The following PCDHA11 variants were observed in gnomAD, a reference collection of about 807,000 sequenced individuals.
The protein encoded by PCDHA11 is protocadherin alpha-11.
In PCDHA11, 61 loss-of-function variants were observed where a neutral mutation model predicts 70.3. That is an observed-to-expected ratio of 0.87 (90% CI 0.71 to 1.07). The LOEUF (loss-of-function observed/expected upper bound fraction) is 1.07, where lower values mean the gene tolerates loss of function less well. Ranked by LOEUF, PCDHA11 falls within the 50% of genes least tolerant of loss-of-function variation. The pLI is 0.00. For synonymous variants in PCDHA11, 633 were observed against 555.1 expected (o/e 1.14, Z -1.97); for missense variants, 1,324 against 1,237.5 (o/e 1.07, Z -1.05).
chr5:140,877,334 C>A (rs375199455), intron 1 of PCDHA11: 13 of 1,614,002 alleles, frequency 8.1e-6, no homozygotes, highest in Non-Finnish European at 1.0e-5. Flanking sequence ...GCGCACATCC[C>A]GTTCCACGTG....
At chr5:140,951,589 C>A (rs2094605772) in intron 1 of PCDHA11, among the ~76,000 whole-genome samples, 1 of 152,088 alleles carries the variant, frequency 6.6e-6, no homozygotes, top group Admixed American at 6.5e-5. Flanking sequence ...TTCACGAGAT[C>A]TCTCTCACTG....
At chr5:140,981,939 A>G (rs765176340) in intron 2 of PCDHA11, among the ~76,000 whole-genome samples, 1 of 152,180 alleles carries the variant, frequency 6.6e-6, no homozygotes, top group Non-Finnish European at 1.5e-5. Context: ...CTCAGGAAAT[A>G]TAGGGTGGGT....
Position 140,876,296 on chromosome 5 carries a change from G to C in PCDHA11, c.2391+4802G>C, listed in dbSNP as rs1337465467. On this transcript the variant is annotated intron_variant, in intron 1 of 3. Coordinates refer to ENST00000398640, the MANE Select transcript of PCDHA11 (RefSeq NM_018902.5). ...TCCGATCCAGACGAAGGACTTAATGGAGAAATTTCCTATGGGATCAAAATG... is the reference window on the plus strand; with the variant it reads ...TCCGATCCAGACGAAGGACTTAATGCAGAAATTTCCTATGGGATCAAAATG... 19 of 1,613,952 alleles carry C rather than the reference G, an allele frequency of 1.2e-5. No individual in the cohort carries two copies. Among genetic ancestry groups the C allele is most frequent in the Non-Finnish European group, 1.6e-5 (19 of 1,179,904 alleles).
chr5:140,994,637 G>A (rs1355719166), intron 3 of PCDHA11, among the ~76,000 whole-genome samples: 1 of 152,078 alleles, frequency 6.6e-6, no homozygotes, highest in Non-Finnish European at 1.5e-5. Context: ...CCTGGAAGGT[G>A]GAGGTTGCAG....
chr5:140,952,303 AC>A (rs1554220328), intron 1 of PCDHA11, among the ~76,000 whole-genome samples: 1 of 147,998 alleles, frequency 6.8e-6, no homozygotes, highest in African/African-American at 2.5e-5. Flanking sequence ...CAGCCATTTC[AC>A]TCCAGCCTGG....
chr5:141,002,135 G>A (rs1265359430), intron 3 of PCDHA11, among the ~76,000 whole-genome samples: 1 of 152,236 alleles, frequency 6.6e-6, no homozygotes, highest in African/African-American at 2.4e-5. Flanking sequence ...AGCCTTTGCC[G>A]GCTGCACTGA....
chr5:140,963,873 C>A (rs757553114), intron 1 of PCDHA11, among the ~76,000 whole-genome samples: 5 of 152,188 alleles, frequency 3.3e-5, no homozygotes, highest in Non-Finnish European at 5.9e-5. Flanking sequence ...GTTTTGCTTA[C>A]TATTGTTTTC....
At chr5:140,910,013 C>T (rs185824848) in intron 1 of PCDHA11, among the ~76,000 whole-genome samples, 4 of 152,256 alleles carry the variant, frequency 2.6e-5, no homozygotes, top group Non-Finnish European at 1.5e-5. Context: ...CAGTGTCATC[C>T]TTGTATCCCT....
At chr5:140,882,538 C>T (rs782086663) in intron 1 of PCDHA11, 2 of 1,614,170 alleles carry the variant, frequency 1.2e-6, no homozygotes, top group Non-Finnish European at 1.7e-6. Flanking sequence ...ATTCTCGGAT[C>T]GACCGCGAGG....
In PCDHA11 at chr5:141,010,994, G is replaced by A. The variant is rs1338532762; in HGVS notation, c.*1057G>A. ...TTTAAGAGAATTGCCTGAAACATCTGTATTATATCGGCCACCTGCCAATCA... is the reference window on the plus strand; with the variant it reads ...TTTAAGAGAATTGCCTGAAACATCTATATTATATCGGCCACCTGCCAATCA... On this transcript the variant is annotated 3_prime_UTR_variant, in exon 4 of 4. Transcript: ENST00000398640. The A allele has an allele frequency of 6.5e-6, 1 of 153,710 alleles. No homozygotes were observed. The highest frequency in any genetic ancestry group is 1.5e-5 in the Non-Finnish European group (1 of 68,046). The allele number at this position is 153,710 out of a possible 1,614,324, so 9.5% of individuals were successfully genotyped here.
At chr5:140,955,692 T>A (rs1021752704) in intron 1 of PCDHA11, among the ~76,000 whole-genome samples, 1 of 152,196 alleles carries the variant, frequency 6.6e-6, no homozygotes, top group African/African-American at 2.4e-5. Context: ...CTGTGATGAA[T>A]GTCAATGGAA....
intron 1 of PCDHA11, among the ~76,000 whole-genome samples, chr5:140,978,185 G>C (rs1177844558): frequency 1.3e-5 from 2 of 152,168 alleles, no homozygotes; most frequent in East Asian, 3.8e-4. Context: ...GAGGGCAACA[G>C]ATCTTTTCAA....
rs148144382 is a variant in PCDHA11 at position 140,914,978 on chromosome 5, G to C, written c.2391+43484G>C. On this transcript the variant is annotated intron_variant, in intron 1 of 3. Coordinates refer to ENST00000398640, the MANE Select transcript of PCDHA11 (RefSeq NM_018902.5). ...TTTTTTTTTTCTGAGTCAGAGTCTT[G>C]CTCTGCTACCAGGCTGGAGTGCAGT... Among the ~76,000 whole-genome samples the C allele has an allele frequency of 8.9e-3, 1,161 of 130,768 alleles. 6 individuals are homozygous for C. Among genetic ancestry groups the C allele is most frequent in the African/African-American group, 0.022 (758 of 34,950 alleles). 85.8% of individuals were successfully genotyped at this position (130,768 alleles called of 152,430 possible).
intron 1 of PCDHA11, among the ~76,000 whole-genome samples, chr5:140,914,458 A>G (rs1294717004): frequency 6.6e-6 from 1 of 152,004 alleles, no homozygotes; most frequent in Non-Finnish European, 1.5e-5. Flanking sequence ...TTTCCAGTCT[A>G]TGTGTATCTT....
intron 1 of PCDHA11, among the ~76,000 whole-genome samples, chr5:140,946,349 G>A (rs1412325014): frequency 6.6e-6 from 1 of 151,910 alleles, no homozygotes; most frequent in Non-Finnish European, 1.5e-5. Flanking sequence ...TGGAGAGGAT[G>A]TGGAGAAAAG....
intron 1 of PCDHA11, among the ~76,000 whole-genome samples, chr5:140,912,626 G>A (rs189482006): frequency 6.6e-6 from 1 of 152,190 alleles, no homozygotes; most frequent in East Asian, 1.9e-4. Context: ...CTCTGGATGA[G>A]ACTTTCAGTA....
chr5:140,930,197 C>G (rs1417032734), intron 1 of PCDHA11: 1 of 152,080 alleles, frequency 6.6e-6, no homozygotes, highest in African/African-American at 2.4e-5. Flanking sequence ...ATTTTTATGT[C>G]AGAAATATTT....
chr5:140,874,318 T>A (rs1169216245), intron 1 of PCDHA11, among the ~76,000 whole-genome samples: 1 of 151,782 alleles, frequency 6.6e-6, no homozygotes, highest in African/African-American at 2.4e-5. Context: ...AGTTGTAGGA[T>A]CTTATCTGTT....
In PCDHA11 at chr5:141,011,722, G is replaced by T. The variant is rs1229946779; in HGVS notation, c.*1785G>T. On this transcript the variant is annotated 3_prime_UTR_variant, in exon 4 of 4. Transcript: ENST00000398640. Reference sequence around the variant, plus strand: ...TGAATACTGACAATATTCCATGAGGGTGTGCAAGCACAAATTTTACCAATC... The same window carrying T: ...TGAATACTGACAATATTCCATGAGGTTGTGCAAGCACAAATTTTACCAATC... The T allele has an allele frequency of 6.5e-6, 1 of 153,690 alleles. No homozygotes were observed. The highest frequency in any genetic ancestry group is 1.5e-5 in the Non-Finnish European group (1 of 68,018). 9.5% of individuals were successfully genotyped at this position (153,690 alleles called of 1,614,324 possible).
Sources: gnomAD v4.1 joint callset for allele counts (sites outside exome capture counted in the v4.1 genomes callset) on GRCh38, gnomAD v4.1.1 for gene constraint, MANE v1.5 for transcripts, NCBI Gene and HGNC (gene_info 2026-07-23, HGNC 2026-07-21) for gene names.